The following DOCK1 variants were observed in gnomAD, a reference collection of about 807,000 sequenced individuals.
DOCK1 encodes the protein dedicator of cytokinesis protein 1.
DOCK1 carries 138 observed loss-of-function variants against 262.7 expected under a neutral mutation model. That is an observed-to-expected ratio of 0.53 (90% confidence interval 0.46 to 0.61). DOCK1 has a LOEUF of 0.61. Among genes scored for constraint, DOCK1 ranks in the 20% least tolerant of loss-of-function variants. The pLI, the probability that DOCK1 is intolerant of heterozygous loss-of-function variation, is 0.00. For missense variants in DOCK1, 1,908 were observed against 2,370.7 expected (o/e 0.80, Z 4.05); for synonymous variants, 866 against 867.4 (o/e 1.00, Z 0.03).
intron 29 of DOCK1, among the ~76,000 whole-genome samples, chr10:127,331,868 T>C (rs1156634015): frequency 6.6e-6 from 1 of 152,170 alleles, no homozygotes; most frequent in Non-Finnish European, 1.5e-5. Flanking sequence ...TATTGTGTGA[T>C]TCATACCCCG....
chr10:127,380,691 AAAT>A (rs2065778774), intron 36 of DOCK1, among the ~76,000 whole-genome samples: 1 of 152,318 alleles, frequency 6.6e-6, no homozygotes, highest in East Asian at 1.9e-4. Context: ...GTCTCGTGTC[AAAT>A]AATTAGCAAG....
At chr10:127,199,790 T>C (rs1192475191) in intron 27 of DOCK1, among the ~76,000 whole-genome samples, 1 of 152,220 alleles carries the variant, frequency 6.6e-6, no homozygotes. Flanking sequence ...TTCATGGAGA[T>C]GCTTCCTGTC....
At chr10:127,091,219 G>A (rs1439399440) in intron 23 of DOCK1, among the ~76,000 whole-genome samples, 1 of 152,024 alleles carries the variant, frequency 6.6e-6, no homozygotes, top group Non-Finnish European at 1.5e-5. Context: ...TCCTGACCTC[G>A]CGATCCGCCC....
chr10:127,058,927 G>A (rs148272315), intron 22 of DOCK1, among the ~76,000 whole-genome samples: 4 of 152,036 alleles, frequency 2.6e-5, no homozygotes, highest in African/African-American at 9.6e-5. Context: ...GTTTGTAATT[G>A]TTTTTCATCC....
intron 10 of DOCK1, among the ~76,000 whole-genome samples, chr10:127,002,633 C>G (rs1226531477): frequency 6.6e-6 from 1 of 152,170 alleles, no homozygotes; most frequent in Non-Finnish European, 1.5e-5. Context: ...GGGTTATTCA[C>G]TGGGGCAGGG....
intron 27 of DOCK1, among the ~76,000 whole-genome samples, chr10:127,158,523 C>T (rs1379539110): frequency 2.6e-5 from 4 of 152,208 alleles, no homozygotes; most frequent in Admixed American, 1.3e-4. Context: ...CTTGTAACTC[C>T]ATGCGTGATA....
At chr10:127,210,772 G>T (rs2057939037) in intron 27 of DOCK1, among the ~76,000 whole-genome samples, 1 of 152,096 alleles carries the variant, frequency 6.6e-6, no homozygotes, top group South Asian at 2.1e-4. Context: ...GCCTCATGAA[G>T]TTTAAAGCCT....
chr10:127,200,042 C>T (rs556191874), intron 27 of DOCK1, among the ~76,000 whole-genome samples: 21 of 152,284 alleles, frequency 1.4e-4, no homozygotes, highest in South Asian at 2.1e-4. Flanking sequence ...GCCGATGAAA[C>T]GCCTGCCCTC....
intron 1 of DOCK1, among the ~76,000 whole-genome samples, chr10:126,958,158 G>A (rs1195538377): frequency 6.6e-6 from 1 of 152,174 alleles, no homozygotes; most frequent in South Asian, 2.1e-4. Context: ...TCACTGAGCT[G>A]ATCACCTAAA....
intron 23 of DOCK1, among the ~76,000 whole-genome samples, chr10:127,084,438 C>G (rs570974868): frequency 6.6e-6 from 1 of 152,270 alleles, no homozygotes; most frequent in African/African-American, 2.4e-5. Context: ...CGTGGCTGTC[C>G]TCAGGGTGTC....
intron 27 of DOCK1, among the ~76,000 whole-genome samples, chr10:127,157,042 C>CT (rs1248922582): frequency 5.3e-5 from 8 of 152,228 alleles, no homozygotes; most frequent in African/African-American, 1.9e-4. Flanking sequence ...AGTCCTTGTC[C>CT]TCACAAAGCT....
At chr10:126,926,343 G>A (rs917304483) in intron 1 of DOCK1, among the ~76,000 whole-genome samples, 3 of 151,416 alleles carry the variant, frequency 2.0e-5, no homozygotes, top group Admixed American at 1.3e-4. Context: ...TCGAAAATAG[G>A]TACAAACGTC....
intron 12 of DOCK1, among the ~76,000 whole-genome samples, chr10:127,016,733 C>CA (rs780601357): frequency 5.1e-4 from 29 of 57,026 alleles, no homozygotes; most frequent in South Asian, 6.8e-4. Flanking sequence ...CACACACACA[C>CA]CACACACACA....
chr10:127,061,675 G>A lies in DOCK1; in HGVS notation c.2344G>A (p.Glu782Lys). The A allele has an allele frequency of 6.3e-7, 1 of 1,596,820 alleles. No individual in the cohort carries two copies. The change falls in exon 23 of 52, where the codon GAA (glutamate) becomes AAA (lysine). Residue 782 changes from glutamate to lysine, a missense_variant. Coordinates refer to ENST00000623213, the MANE Select transcript of DOCK1 (RefSeq NM_001290223.2). ...TTGTGTGTTTCTTTGCAGACTGTAT[G>A]AAAACAAGGGAGAGGCTGACTTCGT... ...RSRILFNQLY[E>K]NKGEADFVES...
chr10:127,018,565 C>A, intron 12 of DOCK1, 145 bp from the exon 13 acceptor site: 1 of 1,308,772 alleles, frequency 7.6e-7, no homozygotes, highest in Non-Finnish European at 1.1e-6. Context: ...TTTGCCTTGC[C>A]CCTCTCTTTC....
chr10:126,987,371 T>G, intron 4 of DOCK1, 150 bp from the exon 5 acceptor site: 1 of 603,460 alleles, frequency 1.7e-6, no homozygotes. Context: ...GACGTATGTA[T>G]TTATATGTGT....
At chr10:127,334,216 C>T (rs2063103019) in intron 29 of DOCK1, among the ~76,000 whole-genome samples, 1 of 151,794 alleles carries the variant, frequency 6.6e-6, no homozygotes, top group South Asian at 2.1e-4. Context: ...TCAGGTAGCT[C>T]CACGTTTAAA....
At chr10:127,119,415 G>T (rs964618233) in intron 25 of DOCK1, among the ~76,000 whole-genome samples, 1 of 152,166 alleles carries the variant, frequency 6.6e-6, no homozygotes, top group African/African-American at 2.4e-5. Context: ...CCTTCACTCA[G>T]CTCCCAGCTC....
intron 12 of DOCK1, among the ~76,000 whole-genome samples, chr10:127,017,691 C>T (rs2042104888): frequency 1.3e-5 from 2 of 152,148 alleles, no homozygotes; most frequent in Admixed American, 6.6e-5. Flanking sequence ...CAGATGAGGC[C>T]CTACCAAGCT....
Sources: gnomAD v4.1 joint callset for allele counts (sites outside exome capture counted in the v4.1 genomes callset) on GRCh38, gnomAD v4.1.1 for gene constraint, MANE v1.5 for transcripts, NCBI Gene and HGNC (gene_info 2026-07-23, HGNC 2026-07-21) for gene names.